The following ADAM2 variants were observed in gnomAD, a reference collection of about 807,000 sequenced individuals.
The protein encoded by ADAM2 is ADAM metallopeptidase domain 2.
A neutral mutation model predicts 99.3 loss-of-function variants in ADAM2; 101 were observed. That is an observed-to-expected ratio of 1.02 (90% CI 0.87 to 1.20). ADAM2 has a LOEUF of 1.20. ADAM2 is among the 50% of genes most tolerant of loss of function. The probability of loss-of-function intolerance (pLI) is 0.00; values close to 1 mark genes in which losing one functional copy is unlikely to be tolerated. For missense variants in ADAM2, 948 were observed against 878.7 expected (o/e 1.08, Z -1.00); for synonymous variants, 323 against 287.6 (o/e 1.12, Z -1.25).
chr8:39,747,849 C>T (rs1033519707), intron 18 of ADAM2, among the ~76,000 whole-genome samples: 1 of 152,122 alleles, frequency 6.6e-6, no homozygotes, highest in Non-Finnish European at 1.5e-5. Flanking sequence ...TTAAACTGTC[C>T]TTGAATTGCT....
At chr8:39,833,541 G>A (rs893712665) in intron 3 of ADAM2, among the ~76,000 whole-genome samples, 1 of 151,936 alleles carries the variant, frequency 6.6e-6, no homozygotes, top group East Asian at 1.9e-4. Flanking sequence ...TCCTTAATAA[G>A]TTTTGATAAA....
rs962162552 is a variant in ADAM2, at chr8:39,834,973, G to C, written c.133-974C>G. On this transcript the variant is annotated intron_variant, in intron 2 of 20. Transcript: ENST00000265708. ...ATTCCTTGTTCTTGCAAGGACACCA[G>C]TCATATGGTATTAGAGCTGTAACTT... 1.3e-5 allele frequency among the ~76,000 whole-genome samples: 2 copies of C among 152,044 alleles called. 1 individual carries two copies. Among genetic ancestry groups the C allele is most frequent in the Admixed American group, 1.3e-4 (2 of 15,266 alleles).
rs190316201 is a variant in ADAM2, at chr8:39,797,408, A to T, written c.571-8668T>A. Among the ~76,000 whole-genome samples the T allele has an allele frequency of 9.1e-4, 138 of 152,134 alleles. 1 individual carries two copies. Among genetic ancestry groups the T allele is most frequent in the African/African-American group, 3.3e-3 (136 of 41,522 alleles). ...TCTCTGTTCTGTTCCACTGGTCTAT[A>T]TGTCTGCTTGGTACCAGTACCATGC... On this transcript the variant is annotated intron_variant, in intron 7 of 20. Transcript: ENST00000265708.
chr8:39,797,734 T>G (rs1804031202), intron 7 of ADAM2, among the ~76,000 whole-genome samples: 2 of 152,242 alleles, frequency 1.3e-5, no homozygotes, highest in South Asian at 2.1e-4. Flanking sequence ...TGACTTTTAT[T>G]TCTCTTTGAA....
intron 7 of ADAM2, among the ~76,000 whole-genome samples, chr8:39,793,234 C>G (rs914186159): frequency 6.6e-6 from 1 of 152,086 alleles, no homozygotes; most frequent in Non-Finnish European, 1.5e-5. Context: ...CGTTCTGTGC[C>G]TTTTAAATGT....
intron 3 of ADAM2, among the ~76,000 whole-genome samples, chr8:39,825,880 A>G (rs1805378543): frequency 6.6e-6 from 1 of 152,180 alleles, no homozygotes; most frequent in Admixed American, 6.5e-5. Context: ...AAGTTGTTTC[A>G]TATGAATTTT....
At chr8:39,746,118 C>G (rs112679047) in intron 19 of ADAM2, among the ~76,000 whole-genome samples, 12 of 152,190 alleles carry the variant, frequency 7.9e-5, no homozygotes, top group African/African-American at 2.9e-4. Flanking sequence ...CTCTGCCTCC[C>G]AGGCTCAAGT....
intron 4 of ADAM2, among the ~76,000 whole-genome samples, chr8:39,822,635 T>C (rs1805240489): frequency 6.6e-6 from 1 of 152,248 alleles, no homozygotes; most frequent in Non-Finnish European, 1.5e-5. Flanking sequence ...AAAGTTTCTT[T>C]CTACTTTATT....
intron 3 of ADAM2, among the ~76,000 whole-genome samples, chr8:39,825,623 GAA>G (rs767288150): frequency 2.0e-5 from 3 of 147,936 alleles, no homozygotes; most frequent in Non-Finnish European, 4.5e-5. Flanking sequence ...ATCATCAAAA[GAA>G]AAAAAAAGAC....
chr8:39,827,739 T>C (rs1042109865), intron 3 of ADAM2, among the ~76,000 whole-genome samples: 9 of 151,612 alleles, frequency 5.9e-5, no homozygotes, highest in African/African-American at 1.9e-4. Flanking sequence ...AGTGGGAAAA[T>C]GGGAGATGAT....
At chr8:39,827,899 G>C (rs544091367) in intron 3 of ADAM2, among the ~76,000 whole-genome samples, 11 of 152,008 alleles carry the variant, frequency 7.2e-5, no homozygotes, top group Non-Finnish European at 1.6e-4. Flanking sequence ...GTAAGTATTT[G>C]AATTGATGAA....
At chr8:39,770,918 A>G (rs1339145491) in intron 11 of ADAM2, among the ~76,000 whole-genome samples, 2 of 152,360 alleles carry the variant, frequency 1.3e-5, no homozygotes, top group African/African-American at 4.8e-5. Flanking sequence ...GATTAATGCA[A>G]TAGCCTACTA....
At chr8:39,776,044 A>G (rs1299035753) in intron 11 of ADAM2, among the ~76,000 whole-genome samples, 1 of 152,154 alleles carries the variant, frequency 6.6e-6, no homozygotes, top group Non-Finnish European at 1.5e-5. Flanking sequence ...GTAATCTACC[A>G]GGAATATCCT....
intron 6 of ADAM2, among the ~76,000 whole-genome samples, chr8:39,812,351 G>T (rs1183743536): frequency 6.6e-6 from 1 of 152,142 alleles, no homozygotes; most frequent in Admixed American, 6.6e-5. Flanking sequence ...CCATACTGCT[G>T]AAGGTAATTT....
chr8:39,758,577 A>G (rs1802239312), intron 15 of ADAM2, among the ~76,000 whole-genome samples: 1 of 151,100 alleles, frequency 6.6e-6, no homozygotes, highest in African/African-American at 2.4e-5. Context: ...AAAAAATTTA[A>G]AAAAAAAAGA....
At chr8:39,836,802 A>G (rs1805843603) in intron 2 of ADAM2, among the ~76,000 whole-genome samples, 1 of 152,200 alleles carries the variant, frequency 6.6e-6, no homozygotes, top group Non-Finnish European at 1.5e-5. Flanking sequence ...TTACTTAGCA[A>G]CAATGACAAA....
intron 7 of ADAM2, among the ~76,000 whole-genome samples, chr8:39,802,398 G>T (rs374671625): frequency 7.2e-5 from 11 of 152,124 alleles, no homozygotes; most frequent in African/African-American, 2.7e-4. Context: ...GGGAGACTCC[G>T]AATGCTGCTG....
chr8:39,828,424 T>C (rs796838534), intron 3 of ADAM2, among the ~76,000 whole-genome samples: 4 of 151,174 alleles, frequency 2.6e-5, no homozygotes, highest in African/African-American at 9.7e-5. Context: ...AAAAGAAGAG[T>C]AAAAGAATGT....
intron 12 of ADAM2, among the ~76,000 whole-genome samples, chr8:39,769,173 C>T (rs897527752): frequency 6.6e-6 from 1 of 152,060 alleles, no homozygotes; most frequent in African/African-American, 2.4e-5. Context: ...GGAAAATTAC[C>T]TGTATATTCA....
Sources: allele counts gnomAD v4.1 joint callset (sites outside exome capture counted in the v4.1 genomes callset), GRCh38; gene constraint gnomAD v4.1.1; transcripts MANE v1.5; gene names NCBI Gene and HGNC (gene_info 2026-07-23, HGNC 2026-07-21).